Variants in TAFA2 observed in about 807,000 individuals in gnomAD.
TAFA2 encodes the protein chemokine-like protein TAFA-2.
In TAFA2, 7 loss-of-function variants were observed where a neutral mutation model predicts 18.8. The observed-to-expected ratio is 0.37, with a 90% CI of 0.21 to 0.70. The LOEUF is 0.70. TAFA2 is among the 30% of genes least tolerant of loss of function. TAFA2 has a pLI of 0.53. For synonymous variants in TAFA2, 60 were observed against 54.2 expected, an observed-to-expected ratio of 1.11 and a Z score of -0.47; for missense variants, 122 against 158.1, an observed-to-expected ratio of 0.77 and a Z score of 1.23.
intron 1 of TAFA2, among the ~76,000 whole-genome samples, chr12:61,884,123 C>CATG (rs2121279339): frequency 6.6e-6 from 1 of 152,256 alleles, no homozygotes; most frequent in Admixed American, 6.5e-5. Flanking sequence ...GAATTTAGAA[C>CATG]ATGCAAAGAG....
chr12:61,744,121 G>A (rs997416572), intron 4 of TAFA2, among the ~76,000 whole-genome samples: 1 of 152,072 alleles, frequency 6.6e-6, no homozygotes, highest in Admixed American at 6.6e-5. Context: ...TTATCTATCA[G>A]CCCTCAGGTA....
intron 1 of TAFA2, among the ~76,000 whole-genome samples, chr12:62,157,475 G>T (rs1462651728): frequency 6.6e-6 from 1 of 152,156 alleles, no homozygotes; most frequent in Non-Finnish European, 1.5e-5. Context: ...GGAGCAGATT[G>T]TTTGGAAAGC....
At chr12:61,725,662 T>C (rs1206529220) in intron 4 of TAFA2, among the ~76,000 whole-genome samples, 2 of 152,130 alleles carry the variant, frequency 1.3e-5, no homozygotes, top group Non-Finnish European at 2.9e-5. Flanking sequence ...TTTATACCAG[T>C]ACCATGCTGC....
At chr12:61,902,091 T>TA (rs750989820) in intron 1 of TAFA2, among the ~76,000 whole-genome samples, 22,330 of 116,352 alleles carry the variant, frequency 0.19, 2,195 homozygotes, top group East Asian at 0.27. Flanking sequence ...GCAGGAATGT[T>TA]AAAAAAAAAA....
At chr12:61,924,343 G>T (rs1431580416) in intron 1 of TAFA2, among the ~76,000 whole-genome samples, 5 of 152,168 alleles carry the variant, frequency 3.3e-5, no homozygotes, top group Non-Finnish European at 7.3e-5. Context: ...CAGAGAGAAA[G>T]GTCGGGTTAC....
chr12:61,929,797 C>T (rs577609193), intron 1 of TAFA2, among the ~76,000 whole-genome samples: 2 of 152,164 alleles, frequency 1.3e-5, no homozygotes, highest in South Asian at 4.2e-4. Context: ...AAATGTGGCA[C>T]ATATACACCA....
intron 2 of TAFA2, among the ~76,000 whole-genome samples, chr12:61,863,170 G>A (rs1350264824): frequency 6.6e-6 from 1 of 152,182 alleles, no homozygotes; most frequent in East Asian, 1.9e-4. Flanking sequence ...AGCTACAGCT[G>A]TTGCCTGATC....
intron 2 of TAFA2, among the ~76,000 whole-genome samples, chr12:61,853,765 T>C (rs1873774445): frequency 1.3e-5 from 2 of 152,072 alleles, no homozygotes. Context: ...TTTTGTTTTG[T>C]TTTTTAAGAG....
intron 1 of TAFA2, among the ~76,000 whole-genome samples, chr12:62,105,624 T>C (rs1474606471): frequency 6.6e-6 from 1 of 152,158 alleles, no homozygotes; most frequent in African/African-American, 2.4e-5. Context: ...AGTGCTCATG[T>C]TAGAACTTAT....
intron 2 of TAFA2, among the ~76,000 whole-genome samples, chr12:61,835,286 T>C (rs141373914): frequency 1.1e-4 from 16 of 152,190 alleles, no homozygotes; most frequent in African/African-American, 3.8e-4. Flanking sequence ...GATAATGCTA[T>C]AGATAATTTT....
intron 1 of TAFA2, among the ~76,000 whole-genome samples, chr12:62,094,077 C>T (rs983692483): frequency 5.3e-5 from 8 of 151,902 alleles, no homozygotes; most frequent in South Asian, 2.1e-4. Flanking sequence ...AACTTCTTTT[C>T]GGTGGATATT....
chr12:61,806,907 G>A (rs565115514), intron 2 of TAFA2, among the ~76,000 whole-genome samples: 63 of 152,288 alleles, frequency 4.1e-4, no homozygotes, highest in African/African-American at 1.3e-3. Context: ...GGTGACTTGG[G>A]TGCTGTTAAA....
At chr12:61,865,349 T>G (rs1352523992) in intron 2 of TAFA2, among the ~76,000 whole-genome samples, 1 of 152,176 alleles carries the variant, frequency 6.6e-6, no homozygotes, top group Non-Finnish European at 1.5e-5. Context: ...CAACCCTTAT[T>G]ATTTTATGTG....
At chr12:61,898,567 A>G (rs546020492) in intron 1 of TAFA2, among the ~76,000 whole-genome samples, 21 of 152,194 alleles carry the variant, frequency 1.4e-4, no homozygotes, top group Non-Finnish European at 2.4e-4. Context: ...CTTCCACCCC[A>G]TGAAGCAACA....
At chr12:62,060,520 C>G (rs746386195) in intron 1 of TAFA2, among the ~76,000 whole-genome samples, 1 of 152,152 alleles carries the variant, frequency 6.6e-6, no homozygotes, top group Non-Finnish European at 1.5e-5. Flanking sequence ...CAATAAATGA[C>G]AATGTTATTG....
rs576579763 is a variant in TAFA2, at chr12:62,068,727, TG to T, written c.-2+122531del. ...CCTTTACCAAGCCTAAAATTATTTT[TG>T]ACTTCATATAAAGGATTCAGATGTC... On this transcript the variant is annotated intron_variant, in intron 1 of 4. Transcript: ENST00000416284. 4.4e-3 allele frequency among the ~76,000 whole-genome samples: 673 copies of T among 152,304 alleles called. 1 individual carries two copies. The highest frequency in any genetic ancestry group is 7.5e-3 in the Non-Finnish European group (512 of 67,982).
intron 2 of TAFA2, among the ~76,000 whole-genome samples, chr12:61,819,104 G>A (rs1872214534): frequency 1.3e-5 from 2 of 152,162 alleles, no homozygotes; most frequent in South Asian, 2.1e-4. Flanking sequence ...ATCACCTACT[G>A]TTGATGTTTA....
rs2062632455 is a variant in TAFA2 at position 62,192,754 on chromosome 12, T to C, written c.-1497A>G. Reference sequence around the variant, plus strand: ...CTCTCTCTCCCAACAGCCAGTTCTGTTAGCCCCAGCAACTGCCGTTGAGAG... The same window carrying C: ...CTCTCTCTCCCAACAGCCAGTTCTGCTAGCCCCAGCAACTGCCGTTGAGAG... On this transcript the variant is annotated 5_prime_UTR_variant, in exon 1 of 5. Transcript: ENST00000416284. 1 of 152,164 alleles carries C rather than the reference T, an allele frequency of 6.6e-6. No individual in the cohort carries two copies. The highest frequency in any genetic ancestry group is 1.5e-5 in the Non-Finnish European group (1 of 68,066). The allele number at this position is 152,164 out of a possible 1,614,324, so 9.4% of individuals were successfully genotyped here.
chr12:61,852,440 C>A (rs1156326661), intron 2 of TAFA2, among the ~76,000 whole-genome samples: 1 of 152,086 alleles, frequency 6.6e-6, no homozygotes, highest in Non-Finnish European at 1.5e-5. Context: ...TCTGAACCTT[C>A]AGAATTAAAC....
Sources: allele counts gnomAD v4.1 joint callset (sites outside exome capture counted in the v4.1 genomes callset), GRCh38; gene constraint gnomAD v4.1.1; transcripts MANE v1.5; gene names NCBI Gene and HGNC (gene_info 2026-07-23, HGNC 2026-07-21).